The following GRID2 variants were observed in gnomAD, a reference collection of about 807,000 sequenced individuals.
GRID2 encodes glutamate ionotropic receptor delta type subunit 2, also known as glutamate receptor ionotropic, delta-2.
A neutral mutation model predicts 114.8 loss-of-function variants in GRID2; 33 were observed. That is an observed-to-expected ratio of 0.29 (90% CI 0.22 to 0.38). GRID2 has a LOEUF of 0.38. Among genes scored for constraint, GRID2 ranks in the 10% least tolerant of loss-of-function variants. GRID2 has a pLI of 1.00. For missense variants in GRID2, 1,184 were observed against 1,257.7 expected (o/e 0.94, Z 0.89); for synonymous variants, 505 against 449.9 (o/e 1.12, Z -1.55).
At chr4:92,351,979 C>A (rs1728089264) in intron 1 of GRID2, among the ~76,000 whole-genome samples, 1 of 151,838 alleles carries the variant, frequency 6.6e-6, no homozygotes, top group Admixed American at 6.6e-5. Flanking sequence ...GGGCAGATAT[C>A]ATTTCGATGT....
chr4:93,227,196 A>G (rs1745583694), intron 7 of GRID2, among the ~76,000 whole-genome samples: 1 of 152,130 alleles, frequency 6.6e-6, no homozygotes, highest in South Asian at 2.1e-4. Flanking sequence ...ATCTTTAGCA[A>G]ATAGTACTTG....
intron 1 of GRID2, among the ~76,000 whole-genome samples, chr4:92,417,114 A>G (rs1731654826): frequency 1.3e-5 from 2 of 152,070 alleles, no homozygotes; most frequent in Admixed American, 6.6e-5. Context: ...TGCTCAAAGA[A>G]GGTGCAAAAA....
chr4:93,737,162 G>A (rs77064216), intron 14 of GRID2, among the ~76,000 whole-genome samples: 6,868 of 152,102 alleles, frequency 0.045, 252 homozygotes, highest in African/African-American at 0.094. Flanking sequence ...CTCAAAGAGT[G>A]TTAGTTCCTT....
chr4:93,774,723 A>G (rs1734322696), downstream of GRID2, among the ~76,000 whole-genome samples: 1 of 152,164 alleles, frequency 6.6e-6, no homozygotes, highest in Admixed American at 6.5e-5. Flanking sequence ...CTAAAACATT[A>G]CTAAGTGATG....
At chr4:93,632,208 C>G (rs1045053815) in intron 14 of GRID2, among the ~76,000 whole-genome samples, 1 of 152,162 alleles carries the variant, frequency 6.6e-6, no homozygotes, top group African/African-American at 2.4e-5. Context: ...TGTGCAGAAG[C>G]TCTTTAGTTT....
At chr4:93,129,758 T>G (rs17330084) in intron 4 of GRID2, among the ~76,000 whole-genome samples, 3,257 of 152,272 alleles carry the variant, frequency 0.021, 39 homozygotes, top group Middle Eastern at 0.054. Context: ...TGTTTGGCAC[T>G]CAGACACATG....
At chr4:92,889,077 T>C (rs1746567289) in intron 2 of GRID2, among the ~76,000 whole-genome samples, 7 of 152,178 alleles carry the variant, frequency 4.6e-5, no homozygotes. Flanking sequence ...TTACATGGCC[T>C]GAATAGATTC....
chr4:92,826,257 C>T (rs1440388614), intron 2 of GRID2, among the ~76,000 whole-genome samples: 1 of 152,010 alleles, frequency 6.6e-6, no homozygotes, highest in East Asian at 1.9e-4. Flanking sequence ...ACTTGCTATC[C>T]TCTGCCTTGA....
At chr4:92,878,036 T>A (rs1228398629) in intron 2 of GRID2, among the ~76,000 whole-genome samples, 1 of 152,154 alleles carries the variant, frequency 6.6e-6, no homozygotes, top group African/African-American at 2.4e-5. Flanking sequence ...AATTAGGACA[T>A]AAATTCAGAA....
At chr4:93,256,637 A>G (rs1749625095) in intron 8 of GRID2, among the ~76,000 whole-genome samples, 1 of 151,984 alleles carries the variant, frequency 6.6e-6, no homozygotes, top group Admixed American at 6.6e-5. Context: ...TAAAGAAAAT[A>G]TGATAGATAG....
chr4:93,084,453 G>A (rs149730394), intron 2 of GRID2, among the ~76,000 whole-genome samples: 28 of 152,232 alleles, frequency 1.8e-4, no homozygotes, highest in African/African-American at 4.6e-4. Flanking sequence ...ATGGAAAGGG[G>A]CAATGTCATC....
chr4:93,317,227 C>T (rs1181500132), intron 8 of GRID2, among the ~76,000 whole-genome samples: 3 of 151,918 alleles, frequency 2.0e-5, no homozygotes, highest in African/African-American at 2.4e-5. Context: ...ATTTTCAGAT[C>T]GGGTTACCTG....
chr4:93,216,242 T>G (rs1214637233), intron 5 of GRID2, among the ~76,000 whole-genome samples: 2 of 151,890 alleles, frequency 1.3e-5, no homozygotes, highest in Non-Finnish European at 2.9e-5. Context: ...AAAAGCCAAA[T>G]TTTTCATTGC....
At chr4:93,225,263 C>G (rs951235607) in intron 7 of GRID2, among the ~76,000 whole-genome samples, 2 of 152,104 alleles carry the variant, frequency 1.3e-5, no homozygotes, top group African/African-American at 4.8e-5. Context: ...TTTGGGGTAA[C>G]TGATTGCATT....
intron 2 of GRID2, among the ~76,000 whole-genome samples, chr4:92,850,915 A>C (rs1221597696): frequency 6.6e-6 from 1 of 151,908 alleles, no homozygotes; most frequent in Non-Finnish European, 1.5e-5. Flanking sequence ...TAATGGCTTT[A>C]TTTTAGGCAC....
At chr4:93,187,273 C>CT (rs1041571935) in intron 4 of GRID2, among the ~76,000 whole-genome samples, 36 of 151,286 alleles carry the variant, frequency 2.4e-4, no homozygotes, top group Middle Eastern at 3.4e-3. Flanking sequence ...GCTCCAAAGT[C>CT]TTTTTTTTTC....
intron 2 of GRID2, among the ~76,000 whole-genome samples, chr4:92,865,580 T>C (rs1341149333): frequency 6.6e-6 from 1 of 152,198 alleles, no homozygotes; most frequent in East Asian, 1.9e-4. Context: ...TGCTATCATA[T>C]TCCCTTCAGG....
chr4:93,153,449 T>G (rs1418197798), intron 4 of GRID2, among the ~76,000 whole-genome samples: 1 of 152,044 alleles, frequency 6.6e-6, no homozygotes, highest in East Asian at 1.9e-4. Flanking sequence ...ATCAGAGAAG[T>G]GGCAGAGACT....
chr4:93,737,047 A>C (rs780739552), intron 14 of GRID2, among the ~76,000 whole-genome samples: 1 of 152,004 alleles, frequency 6.6e-6, no homozygotes, highest in African/African-American at 2.4e-5. Context: ...CCTTAGGCAC[A>C]TTCTTAATCT....
Sources: gnomAD v4.1 joint callset for allele counts (sites outside exome capture counted in the v4.1 genomes callset) on GRCh38, gnomAD v4.1.1 for gene constraint, MANE v1.5 for transcripts, NCBI Gene and HGNC (gene_info 2026-07-23, HGNC 2026-07-21) for gene names.